The following CCDC134 variants were observed in gnomAD, a reference collection of about 807,000 sequenced individuals.
CCDC134 encodes coiled-coil domain containing 134.
CCDC134 carries 27 observed loss-of-function variants against 25.6 expected under a neutral mutation model. The ratio of observed to expected loss-of-function variants is 1.05; its 90% CI spans 0.78 to 1.45. CCDC134 has a LOEUF of 1.45. CCDC134 is among the 40% of genes most tolerant of loss of function. The probability of loss-of-function intolerance (pLI) is 0.00; values close to 1 mark genes in which losing one functional copy is unlikely to be tolerated. For synonymous variants in CCDC134, 110 were observed against 115.0 expected (o/e 0.96, Z 0.28); for missense variants, 261 against 286.7 (o/e 0.91, Z 0.65).
rs570477776 is a variant in CCDC134, at chr22:41,831,608, A to G, written c.*5785A>G. ...CCTCGAGGCCTTTGTCCATGTCATCATTTCCCCTTTGGCTGTAACAGCTGC... is the reference window on the plus strand; with the variant it reads ...CCTCGAGGCCTTTGTCCATGTCATCGTTTCCCCTTTGGCTGTAACAGCTGC... On this transcript the variant is annotated 3_prime_UTR_variant, in exon 7 of 7. Coordinates refer to ENST00000255784, the MANE Select transcript of CCDC134 (RefSeq NM_024821.5). 1.8e-4 allele frequency: 27 copies of G among 152,258 alleles called. No individual in the cohort carries two copies. Among genetic ancestry groups the G allele is most frequent in the African/African-American group, 6.3e-4 (26 of 41,522 alleles). The allele number at this position is 152,258 out of a possible 1,614,324, so 9.4% of individuals were successfully genotyped here.
rs67246997 is a variant in CCDC134, at chr22:41,830,884, C to CTTTTTTTTTTT, written c.*5073_*5083dup. On this transcript the variant is annotated 3_prime_UTR_variant, in exon 7 of 7. Transcript: ENST00000255784. ...AGATCCTTATTTTTTCTTTTCTTTT[C>CTTTTTTTTTTT]TTTTTTTTTTTTTTTTTTTTTTGAG... 8.1e-4 allele frequency among the ~76,000 whole-genome samples: 95 copies of CTTTTTTTTTTT among 117,244 alleles called. No homozygotes were observed. Among genetic ancestry groups the CTTTTTTTTTTT allele is most frequent in the African/African-American group, 1.8e-3 (46 of 25,480 alleles). 76.9% of individuals were successfully genotyped at this position (117,244 alleles called of 152,430 possible).
intron 6 of CCDC134, among the ~76,000 whole-genome samples, chr22:41,814,729 T>G (rs1021319213): frequency 2.0e-5 from 3 of 152,110 alleles, no homozygotes; most frequent in African/African-American, 7.2e-5. Context: ...TAGGATTTAA[T>G]TCTGCCTCCA....
intron 6 of CCDC134, among the ~76,000 whole-genome samples, chr22:41,822,432 T>G (rs1222565838): frequency 1.3e-5 from 2 of 152,208 alleles, no homozygotes; most frequent in Non-Finnish European, 2.9e-5. Flanking sequence ...AACCATGCTC[T>G]TAACCACAGT....
At chr22:41,822,490 C>A (rs1289974038) in intron 6 of CCDC134, among the ~76,000 whole-genome samples, 1 of 152,024 alleles carries the variant, frequency 6.6e-6, no homozygotes, top group African/African-American at 2.4e-5. Context: ...TGGTCAGGTA[C>A]AATCAGGGGT....
intron 1 of CCDC134, among the ~76,000 whole-genome samples, chr22:41,802,598 G>A (rs1164634730): frequency 6.6e-6 from 1 of 152,040 alleles, no homozygotes; most frequent in East Asian, 1.9e-4. Context: ...GAAGAAACCC[G>A]TCTCTACTAA....
intron 1 of CCDC134, among the ~76,000 whole-genome samples, chr22:41,808,644 TC>T (rs1210859755): frequency 3.9e-5 from 6 of 152,194 alleles, no homozygotes; most frequent in African/African-American, 1.4e-4. Context: ...CTCTAAGTGT[TC>T]CTGTGTTACA....
At chr22:41,811,029 C>T (rs2076593437) in intron 4 of CCDC134, among the ~76,000 whole-genome samples, 1 of 152,154 alleles carries the variant, frequency 6.6e-6, no homozygotes, top group African/African-American at 2.4e-5. Flanking sequence ...GGGGTCCCTG[C>T]CTGACATGTC....
chr22:41,820,000 A>T lies in CCDC134; in HGVS notation c.565-5698A>T, dbSNP rs993877432. On this transcript the variant is annotated intron_variant, in intron 6 of 6. Coordinates refer to ENST00000255784, the MANE Select transcript of CCDC134 (RefSeq NM_024821.5). ...ATATATATATATATATATATATATAATTTTTTTTTTTTGAGACGGAGTCTC... is the reference window on the plus strand; with the variant it reads ...ATATATATATATATATATATATATATTTTTTTTTTTTTGAGACGGAGTCTC... 1.8e-3 allele frequency among the ~76,000 whole-genome samples: 119 copies of T among 67,506 alleles called. 1 individual carries two copies. The highest frequency in any genetic ancestry group is 0.019 in the Middle Eastern group (2 of 104). The allele number at this position is 67,506 out of a possible 152,430, so 44.3% of individuals were successfully genotyped here.
chr22:41,803,902 C>T (rs1479565808), intron 1 of CCDC134, among the ~76,000 whole-genome samples: 3 of 152,070 alleles, frequency 2.0e-5, no homozygotes, highest in Non-Finnish European at 4.4e-5. Flanking sequence ...GAGGCTGAGA[C>T]GGGCGGATCA....
intron 4 of CCDC134, 40 bp downstream of exon 4, chr22:41,810,331 C>T (rs771746092): frequency 3.9e-6 from 6 of 1,552,006 alleles, no homozygotes; most frequent in East Asian, 2.3e-5. Flanking sequence ...CCGCACCACC[C>T]GATCTTCTCT....
At position 41,807,887 on chromosome 22, in the gene CCDC134, C is replaced by T. The variant is rs557208173; in HGVS notation, c.-16-988C>T. On this transcript the variant is annotated intron_variant, in intron 1 of 6. Coordinates refer to ENST00000255784, the MANE Select transcript of CCDC134 (RefSeq NM_024821.5). Reference sequence around the variant, plus strand: ...GAAAAAATAAATAAAAAGGGCCGGGCGCGGTGGCTCACATCTGAATCCCAG... The same window carrying T: ...GAAAAAATAAATAAAAAGGGCCGGGTGCGGTGGCTCACATCTGAATCCCAG... 9.9e-5 allele frequency among the ~76,000 whole-genome samples: 15 copies of T among 152,048 alleles called. No homozygotes were observed. In the East Asian group the frequency reaches 2.7e-3, roughly 27 times the overall value.
At position 41,813,852 on chromosome 22, in the gene CCDC134, G is replaced by A. The variant is rs2076610000; in HGVS notation, c.564+30G>A. 6 of 1,606,156 alleles carry A rather than the reference G, an allele frequency of 3.7e-6. No homozygotes were observed. In the African/African-American group the frequency reaches 5.3e-5, roughly 14 times the overall value. On this transcript the variant is annotated intron_variant, in intron 6 of 6. Transcript: ENST00000255784. The stretch of plus-strand genomic sequence containing the variant: ...GCTGCCAGGGCCTATGCCTGTGTCT[G>A]CTTTGCCTCTGCTGGGCCATAGGAC...
chr22:41,824,376 G>A (rs544856486), intron 6 of CCDC134, among the ~76,000 whole-genome samples: 33 of 152,146 alleles, frequency 2.2e-4, no homozygotes, highest in Admixed American at 4.6e-4. Context: ...AGAGGCGGGC[G>A]GGGTGGACCT....
At chr22:41,810,322 C>T (rs574129321) in intron 4 of CCDC134, 31 bp downstream of exon 4, 49 of 1,576,264 alleles carry the variant, frequency 3.1e-5, no homozygotes, top group Middle Eastern at 1.7e-4. Context: ...CCCTGTCCTC[C>T]GCACCACCCG....
In CCDC134 at chr22:41,804,295, C is replaced by T. The variant is rs374723832; in HGVS notation, c.-17+3529C>T. Among the ~76,000 whole-genome samples, 7 of 152,272 alleles carry T rather than the reference C, an allele frequency of 4.6e-5. No individual in the cohort carries two copies. The East Asian group carries it at 1.3e-3, about 29-fold the overall frequency. On this transcript the variant is annotated intron_variant, in intron 1 of 6. Transcript: ENST00000255784. ...GATGTTTGGTGAACTTCCTGTGTGACCCATACATTAGGCACAAGGCTTGTA... is the reference window on the plus strand; with the variant it reads ...GATGTTTGGTGAACTTCCTGTGTGATCCATACATTAGGCACAAGGCTTGTA...
At chr22:41,810,387 GA>G in intron 4 of CCDC134, 96 bp downstream of exon 4, 1 of 1,210,898 alleles carries the variant, frequency 8.3e-7, no homozygotes, top group Non-Finnish European at 1.2e-6. Flanking sequence ...TTTCTCCCCG[GA>G]AGTGCCCTCT....
At position 41,823,088 on chromosome 22, in the gene CCDC134, T is replaced by C. The variant is rs371206136; in HGVS notation, c.565-2610T>C. Among the ~76,000 whole-genome samples the C allele has an allele frequency of 1.3e-3, 199 of 152,338 alleles. 1 individual carries two copies. The highest frequency in any genetic ancestry group is 4.5e-3 in the African/African-American group (189 of 41,582). On this transcript the variant is annotated intron_variant, in intron 6 of 6. Transcript: ENST00000255784. ...AGGCATAGTAAATCTTCACCTAACATCATCCATAGGTTCTTGGAAACTGTG... is the reference window on the plus strand; with the variant it reads ...AGGCATAGTAAATCTTCACCTAACACCATCCATAGGTTCTTGGAAACTGTG...
intron 1 of CCDC134, among the ~76,000 whole-genome samples, chr22:41,804,144 A>C (rs1008875416): frequency 2.0e-5 from 3 of 152,180 alleles, no homozygotes; most frequent in African/African-American, 7.2e-5. Context: ...AAAAAAAAGA[A>C]ACGAGTAAGA....
intron 6 of CCDC134, among the ~76,000 whole-genome samples, chr22:41,817,384 C>T (rs1449422434): frequency 1.3e-5 from 2 of 152,118 alleles, no homozygotes; most frequent in Non-Finnish European, 2.9e-5. Flanking sequence ...GTGAGCCAGG[C>T]TGTCTAGTTT....
Sources: allele counts gnomAD v4.1 joint callset (sites outside exome capture counted in the v4.1 genomes callset), GRCh38; gene constraint gnomAD v4.1.1; transcripts MANE v1.5; gene names NCBI Gene and HGNC (gene_info 2026-07-23, HGNC 2026-07-21).